RIMS2: variants seen among roughly 807,000 people sequenced by gnomAD.
RIMS2 encodes regulating synaptic membrane exocytosis protein 2.
Under a neutral mutation model 174.4 loss-of-function variants are expected in RIMS2, and 59 were observed. The ratio of observed to expected loss-of-function variants is 0.34; its 90% CI spans 0.27 to 0.42. The LOEUF (loss-of-function observed/expected upper bound fraction) is 0.42. Ranked by LOEUF, RIMS2 falls within the 10% of genes least tolerant of loss-of-function variation. RIMS2 has a pLI of 1.00. For missense variants in RIMS2, 1,620 were observed against 1,666.3 expected, an observed-to-expected ratio of 0.97 and a Z score of 0.48; for synonymous variants, 606 against 572.5, an observed-to-expected ratio of 1.06 and a Z score of -0.84.
chr8:103,557,420 T>C (rs549159392), intron 1 of RIMS2, among the ~76,000 whole-genome samples: 1 of 152,242 alleles, frequency 6.6e-6, no homozygotes, highest in Non-Finnish European at 1.5e-5. Context: ...TCATTCTGAT[T>C]TTCTTATTTT....
At chr8:103,704,405 A>ATAATG (rs1388200658) in intron 2 of RIMS2, among the ~76,000 whole-genome samples, 1 of 151,882 alleles carries the variant, frequency 6.6e-6, no homozygotes, top group Non-Finnish European at 1.5e-5. Context: ...TTCATCAGAG[A>ATAATG]TAATGGCCTC....
intron 3 of RIMS2, among the ~76,000 whole-genome samples, chr8:103,853,694 A>C (rs2154493993): frequency 6.6e-6 from 1 of 152,094 alleles, no homozygotes; most frequent in Non-Finnish European, 1.5e-5. Flanking sequence ...GATGGTTGTA[A>C]GTATGAGGCT....
At chr8:104,095,850 G>A (rs1395562336) in intron 19 of RIMS2, among the ~76,000 whole-genome samples, 3 of 151,920 alleles carry the variant, frequency 2.0e-5, no homozygotes, top group Non-Finnish European at 4.4e-5. Flanking sequence ...ACAGATATTC[G>A]GGATAGAACT....
At chr8:103,528,724 G>T (rs1835366367) in intron 1 of RIMS2, among the ~76,000 whole-genome samples, 1 of 152,104 alleles carries the variant, frequency 6.6e-6, no homozygotes, top group South Asian at 2.1e-4. Context: ...TTATTTCTGA[G>T]GGCTCTGTTC....
chr8:103,697,518 G>C (rs774782667), intron 2 of RIMS2, among the ~76,000 whole-genome samples: 61 of 151,544 alleles, frequency 4.0e-4, no homozygotes, highest in Non-Finnish European at 7.4e-4. Flanking sequence ...AGACTATCTT[G>C]GGCAACATGG....
At chr8:103,955,610 A>G (rs908852095) in intron 14 of RIMS2, among the ~76,000 whole-genome samples, 3 of 152,184 alleles carry the variant, frequency 2.0e-5, no homozygotes, top group Non-Finnish European at 4.4e-5. Flanking sequence ...TCAAAATAAT[A>G]CAAGCAATTT....
At chr8:103,963,156 A>G (rs2090716904) in intron 15 of RIMS2, among the ~76,000 whole-genome samples, 1 of 152,170 alleles carries the variant, frequency 6.6e-6, no homozygotes, top group Non-Finnish European at 1.5e-5. Context: ...TTTTTAATCA[A>G]TAGCTTATCA....
intron 1 of RIMS2, among the ~76,000 whole-genome samples, chr8:103,552,847 G>C (rs1848652737): frequency 6.6e-6 from 1 of 152,190 alleles, no homozygotes; most frequent in Non-Finnish European, 1.5e-5. Flanking sequence ...ATGAAAAAAT[G>C]CTCATCATTA....
chr8:104,148,914 T>A, intron 19 of RIMS2, 66 bp downstream of exon 25: 1 of 1,494,734 alleles, frequency 6.7e-7, no homozygotes, highest in Non-Finnish European at 9.1e-7. Flanking sequence ...ATTTCTTTTC[T>A]CTTACTCATT....
intron 4 of RIMS2, among the ~76,000 whole-genome samples, chr8:103,893,114 T>A (rs1231030936): frequency 1.3e-5 from 2 of 152,056 alleles, no homozygotes; most frequent in South Asian, 2.1e-4. Flanking sequence ...TCAAGAGGGA[T>A]AGAGTAGATT....
chr8:104,111,694 C>T (rs961338142), intron 19 of RIMS2, among the ~76,000 whole-genome samples: 4 of 152,156 alleles, frequency 2.6e-5, no homozygotes, highest in East Asian at 1.9e-4. Context: ...GCATGAGCCA[C>T]CGCACCCGGC....
intron 3 of RIMS2, among the ~76,000 whole-genome samples, chr8:103,773,936 G>A (rs1204319900): frequency 6.6e-6 from 1 of 152,126 alleles, no homozygotes; most frequent in Non-Finnish European, 1.5e-5. Flanking sequence ...GAGGTGAAGA[G>A]TTTGAGACTA....
Position 103,997,679 on chromosome 8 carries a change from TAATC to T in RIMS2, c.3044+8261_3044+8264del, listed in dbSNP as rs549322745. ...CAATAAATTTAATAAATACAATTAA[TAATC>T]AAAGTAATTTGGATCAGTTTACTCT... On this transcript the variant is annotated intron_variant, in intron 17 of 23. Transcript: ENST00000504942. Among the ~76,000 whole-genome samples, 627 of 151,840 alleles carry T rather than the reference TAATC, an allele frequency of 4.1e-3. 4 individuals carry two copies. Among genetic ancestry groups the T allele is most frequent in the Non-Finnish European group, 5.2e-3 (353 of 67,684 alleles).
At chr8:103,626,805 T>C (rs1452353378) in intron 1 of RIMS2, among the ~76,000 whole-genome samples, 1 of 151,944 alleles carries the variant, frequency 6.6e-6, no homozygotes, top group Non-Finnish European at 1.5e-5. Context: ...CAGCAAGTTT[T>C]TTATTAGGGA....
At chr8:104,113,139 G>T (rs538826165) in intron 19 of RIMS2, among the ~76,000 whole-genome samples, 1 of 152,172 alleles carries the variant, frequency 6.6e-6, no homozygotes, top group African/African-American at 2.4e-5. Context: ...TAACTATCTA[G>T]TACCCTGAAC....
intron 17 of RIMS2, among the ~76,000 whole-genome samples, chr8:104,007,800 A>G (rs1292284429): frequency 6.6e-6 from 1 of 152,148 alleles, no homozygotes; most frequent in Non-Finnish European, 1.5e-5. Flanking sequence ...ATGCTTGAAA[A>G]TGAGCACAAA....
chr8:103,819,152 C>A, intron 3 of RIMS2: 1 of 995,756 alleles, frequency 1.0e-6, no homozygotes, highest in Non-Finnish European at 1.2e-6. Flanking sequence ...ACGACAGCAT[C>A]TATTCATTGC....
intron 3 of RIMS2, among the ~76,000 whole-genome samples, chr8:103,867,913 C>G (rs918193897): frequency 2.0e-5 from 3 of 151,804 alleles, no homozygotes; most frequent in Admixed American, 2.0e-4. Flanking sequence ...AATTTATATA[C>G]CAAAATAATA....
chr8:103,998,181 G>A (rs769743846), intron 17 of RIMS2: 1 of 1,594,068 alleles, frequency 6.3e-7, no homozygotes, highest in Non-Finnish European at 8.6e-7. Flanking sequence ...TGCCATGCTT[G>A]CAGTCATTTT....
Sources: allele counts gnomAD v4.1 joint callset (sites outside exome capture counted in the v4.1 genomes callset), GRCh38; gene constraint gnomAD v4.1.1; transcripts MANE v1.5; gene names NCBI Gene and HGNC (gene_info 2026-07-23, HGNC 2026-07-21).